The following GUCY1A2 variants were observed in gnomAD, a reference collection of about 807,000 sequenced individuals.
GUCY1A2 encodes the protein guanylate cyclase soluble subunit alpha-2.
Under a neutral mutation model 63.5 loss-of-function variants are expected in GUCY1A2, and 27 were observed. That is an observed-to-expected ratio of 0.43 (90% CI 0.31 to 0.59). The LOEUF is 0.59. Ranked by LOEUF, GUCY1A2 falls within the 20% of genes least tolerant of loss-of-function variation. GUCY1A2 has a pLI of 0.11. For missense variants in GUCY1A2, 768 were observed against 913.3 expected (o/e 0.84, Z 2.05); for synonymous variants, 364 against 343.5 (o/e 1.06, Z -0.66).
intron 7 of GUCY1A2, among the ~76,000 whole-genome samples, chr11:106,688,544 A>ACTT (rs2135333703): frequency 6.6e-6 from 1 of 152,306 alleles, no homozygotes; most frequent in Non-Finnish European, 1.5e-5. Context: ...CCTCCTAGAC[A>ACTT]CTTCTGTGAA....
At chr11:106,956,015 G>T (rs781195395) in intron 3 of GUCY1A2, among the ~76,000 whole-genome samples, 1 of 151,366 alleles carries the variant, frequency 6.6e-6, no homozygotes, top group Non-Finnish European at 1.5e-5. Flanking sequence ...ATTCTTGTCT[G>T]CATGTCTTAT....
chr11:106,986,094 T>C lies in GUCY1A2; in HGVS notation c.341A>G (p.Gln114Arg), dbSNP rs181300526. The C allele has an allele frequency of 5.3e-6, 8 of 1,501,518 alleles. No homozygotes were observed. The highest frequency in any genetic ancestry group is 2.3e-5 in the East Asian group (1 of 44,342). 93.0% of individuals were successfully genotyped at this position (1,501,518 alleles called of 1,614,324 possible). A position where few individuals can be genotyped will look rare whatever the true frequency, so the allele number is the denominator to read the frequency against. Residue 114 changes from glutamine to arginine, a missense_variant, in exon 2 of 8, where the codon CAG (glutamine) becomes CGG (arginine). Physicochemically the swap from Gln to Arg is conservative, Grantham distance 43 (BLOSUM62 1). Coordinates refer to ENST00000526355, the MANE Select transcript of GUCY1A2 (RefSeq NM_000855.3). ...TIQQTLKRTL[Q>R]YYEHQVIGYR... ...CCCAATAACTTGATGTTCATAATAC[T>C]GCAGTGTCCTCTTGAGAGTCTGCTG...
At chr11:106,801,388 C>T (rs1384118145) in intron 5 of GUCY1A2, among the ~76,000 whole-genome samples, 1 of 151,910 alleles carries the variant, frequency 6.6e-6, no homozygotes, top group South Asian at 2.1e-4. Flanking sequence ...TTGGAGAGAC[C>T]GTACCAATTG....
chr11:106,920,662 A>G (rs945962301), intron 4 of GUCY1A2, among the ~76,000 whole-genome samples: 3 of 152,154 alleles, frequency 2.0e-5, no homozygotes, highest in African/African-American at 4.8e-5. Context: ...ATTACAAATG[A>G]CACTTAAATA....
At chr11:106,929,260 A>G (rs78237050) in intron 4 of GUCY1A2, among the ~76,000 whole-genome samples, 4,827 of 152,288 alleles carry the variant, frequency 0.032, 249 homozygotes, top group African/African-American at 0.11. Context: ...GGCAGCTTTT[A>G]TTATTCATCA....
intron 4 of GUCY1A2, among the ~76,000 whole-genome samples, chr11:106,875,209 CAAGGAA>C (rs1859733502): frequency 6.6e-6 from 1 of 151,970 alleles, no homozygotes; most frequent in Non-Finnish European, 1.5e-5. Context: ...CAGGAGGTAG[CAAGGAA>C]ATCTAGCTCA....
intron 4 of GUCY1A2, among the ~76,000 whole-genome samples, chr11:106,904,599 C>A (rs1412993833): frequency 2.0e-5 from 3 of 151,792 alleles, no homozygotes; most frequent in Non-Finnish European, 4.4e-5. Flanking sequence ...TAATGTACAA[C>A]AAATATCTAT....
chr11:107,010,027 T>G (rs1861722401), intron 1 of GUCY1A2, among the ~76,000 whole-genome samples: 1 of 152,204 alleles, frequency 6.6e-6, no homozygotes, highest in Non-Finnish European at 1.5e-5. Context: ...TTGTGTTCAA[T>G]GAAGCTTGAG....
chr11:106,900,759 C>G (rs1860121381), intron 4 of GUCY1A2, among the ~76,000 whole-genome samples: 1 of 152,148 alleles, frequency 6.6e-6, no homozygotes, highest in South Asian at 2.1e-4. Context: ...TTACACTATA[C>G]TGTAGTCTAT....
At chr11:106,941,091 G>A (rs1591336142) in intron 3 of GUCY1A2, among the ~76,000 whole-genome samples, 8 of 152,186 alleles carry the variant, frequency 5.3e-5, no homozygotes, top group Admixed American at 5.2e-4. Flanking sequence ...GAAAAAACAA[G>A]AAAATAATAA....
At position 106,713,186 on chromosome 11, in the gene GUCY1A2, A is replaced by G. The variant is rs141773084; in HGVS notation, c.1837-4520T>C. Among the ~76,000 whole-genome samples the G allele has an allele frequency of 9.2e-5, 14 of 152,264 alleles. No individual in the cohort carries two copies. In the East Asian group the frequency reaches 2.7e-3, roughly 29 times the overall value. On this transcript the variant is annotated intron_variant, in intron 6 of 7. Transcript: ENST00000526355. ...TGTTTCTTATCTCTCAGGAATCACTATCTTCCATTGTCTAATGTCCACTGT... is the reference window on the plus strand; with the variant it reads ...TGTTTCTTATCTCTCAGGAATCACTGTCTTCCATTGTCTAATGTCCACTGT...
chr11:106,729,299 G>T (rs1039135412), intron 6 of GUCY1A2, among the ~76,000 whole-genome samples: 5 of 152,056 alleles, frequency 3.3e-5, no homozygotes, highest in African/African-American at 1.2e-4. Flanking sequence ...TACTCTGAGC[G>T]TTATCACTTC....
chr11:106,754,406 G>T (rs1489556675), intron 6 of GUCY1A2, among the ~76,000 whole-genome samples: 4 of 152,166 alleles, frequency 2.6e-5, no homozygotes, highest in Non-Finnish European at 5.9e-5. Context: ...AATAGGAGTG[G>T]TGAGAGAGGG....
At chr11:106,888,919 TG>T (rs956444958) in intron 4 of GUCY1A2, among the ~76,000 whole-genome samples, 5 of 151,954 alleles carry the variant, frequency 3.3e-5, no homozygotes, top group Non-Finnish European at 5.9e-5. Context: ...TAATACAAAA[TG>T]GCTATTCAAG....
At chr11:106,972,836 G>A (rs1861213293) in intron 3 of GUCY1A2, among the ~76,000 whole-genome samples, 1 of 152,054 alleles carries the variant, frequency 6.6e-6, no homozygotes, top group African/African-American at 2.4e-5. Flanking sequence ...TTGTGGGAAA[G>A]GAATGAGCTC....
intron 4 of GUCY1A2, among the ~76,000 whole-genome samples, chr11:106,860,388 T>C (rs1047083978): frequency 2.6e-5 from 4 of 151,928 alleles, no homozygotes; most frequent in African/African-American, 7.2e-5. Context: ...ATATTAAATA[T>C]GTACTAAAAT....
At chr11:106,912,299 T>C (rs542204295) in intron 4 of GUCY1A2, among the ~76,000 whole-genome samples, 1 of 152,166 alleles carries the variant, frequency 6.6e-6, no homozygotes, top group African/African-American at 2.4e-5. Flanking sequence ...GAATTCTGCC[T>C]GCCACTTAAA....
At chr11:106,875,514 T>G (rs1036313453) in intron 4 of GUCY1A2, among the ~76,000 whole-genome samples, 1 of 152,158 alleles carries the variant, frequency 6.6e-6, no homozygotes, top group African/African-American at 2.4e-5. Flanking sequence ...CTGAGACTCT[T>G]TTTTATGGGC....
At chr11:106,763,583 G>T (rs958877768) in intron 6 of GUCY1A2, among the ~76,000 whole-genome samples, 1 of 152,080 alleles carries the variant, frequency 6.6e-6, no homozygotes, top group African/African-American at 2.4e-5. Context: ...CAAACAAGTT[G>T]AATGGAATCC....
Sources: gnomAD v4.1 joint callset for allele counts (sites outside exome capture counted in the v4.1 genomes callset) on GRCh38, gnomAD v4.1.1 for gene constraint, MANE v1.5 for transcripts, NCBI Gene and HGNC (gene_info 2026-07-23, HGNC 2026-07-21) for gene names.